MAF: variants seen among roughly 807,000 people sequenced by gnomAD.
MAF encodes MAF bZIP transcription factor, also known as transcription factor Maf.
Under a neutral mutation model 22.0 loss-of-function variants are expected in MAF, and 10 were observed. That is an observed-to-expected ratio of 0.45 (90% confidence interval 0.28 to 0.77). MAF has a LOEUF of 0.77. Ranked by LOEUF, MAF falls within the 30% of genes least tolerant of loss-of-function variation. The pLI, the probability that MAF is intolerant of heterozygous loss-of-function variation, is 0.12. For synonymous variants in MAF, 337 were observed against 255.8 expected, an observed-to-expected ratio of 1.32 and a Z score of -3.03; for missense variants, 544 against 548.4, an observed-to-expected ratio of 0.99 and a Z score of 0.08.
At chr16:79,244,336 T>A in the MAF span, among the ~76,000 whole-genome samples, 1 of 151,894 alleles carries the variant, frequency 6.6e-6, no homozygotes, top group Non-Finnish European at 1.5e-5. Context: ...CAGCCCAAAA[T>A]CTCCTTAAGC....
the MAF span, among the ~76,000 whole-genome samples, chr16:79,539,576 A>C: frequency 6.6e-6 from 1 of 152,266 alleles, no homozygotes; most frequent in South Asian, 2.1e-4. Flanking sequence ...TTTCGTGAAC[A>C]TTTATAATAA....
the MAF span, among the ~76,000 whole-genome samples, chr16:79,259,260 C>T: frequency 2.0e-4 from 31 of 152,278 alleles, no homozygotes; most frequent in African/African-American, 7.0e-4. Context: ...CCCACGCTTG[C>T]CCACTCCGGG....
the MAF span, among the ~76,000 whole-genome samples, chr16:79,420,512 T>A: frequency 6.6e-6 from 1 of 152,168 alleles, no homozygotes; most frequent in Non-Finnish European, 1.5e-5. Context: ...GAACAAAAAA[T>A]AGAGTGATTT....
At chr16:79,239,868 C>T in the MAF span, among the ~76,000 whole-genome samples, 4,012 of 152,066 alleles carry the variant, frequency 0.026, 176 homozygotes, top group African/African-American at 0.093. Context: ...GCTGAAGAAG[C>T]ACAGCCCTCA....
chr16:79,287,081 A>G, the MAF span, among the ~76,000 whole-genome samples: 4 of 150,650 alleles, frequency 2.7e-5, no homozygotes, highest in Admixed American at 6.6e-5. Context: ...CGAACATTCC[A>G]GAATCAGCTT....
chr16:79,278,565 T>C, the MAF span, among the ~76,000 whole-genome samples: 1 of 152,220 alleles, frequency 6.6e-6, no homozygotes, highest in Admixed American at 6.5e-5. Flanking sequence ...AAGTGAGCTT[T>C]TGGAAGGAAG....
At chr16:79,321,908 G>T in the MAF span, among the ~76,000 whole-genome samples, 1 of 151,926 alleles carries the variant, frequency 6.6e-6, no homozygotes. Context: ...CTTGGTCCTG[G>T]GTGACCAAGA....
the MAF span, among the ~76,000 whole-genome samples, chr16:79,551,312 C>A: frequency 6.6e-6 from 1 of 152,134 alleles, no homozygotes; most frequent in Non-Finnish European, 1.5e-5. Flanking sequence ...GGCATCATTT[C>A]TGGTTTTGAA....
the MAF span, among the ~76,000 whole-genome samples, chr16:79,410,325 C>T: frequency 3.3e-5 from 5 of 152,194 alleles, no homozygotes; most frequent in Non-Finnish European, 7.3e-5. Context: ...AGCTAAACTC[C>T]TTTAAATTTA....
At chr16:79,361,113 T>A in the MAF span, among the ~76,000 whole-genome samples, 2 of 152,194 alleles carry the variant, frequency 1.3e-5, no homozygotes, top group Non-Finnish European at 2.9e-5. Context: ...AATCTTTGGG[T>A]TCCCAAGGAA....
At chr16:79,484,875 G>T in the MAF span, among the ~76,000 whole-genome samples, 1 of 152,186 alleles carries the variant, frequency 6.6e-6, no homozygotes, top group Non-Finnish European at 1.5e-5. Flanking sequence ...TGAAGGTCTG[G>T]CCTCCCAGCA....
chr16:79,466,862 G>A, the MAF span, among the ~76,000 whole-genome samples: 1 of 152,172 alleles, frequency 6.6e-6, no homozygotes, highest in African/African-American at 2.4e-5. Context: ...AGTGATAGCT[G>A]CAGTGTTCCA....
the MAF span, among the ~76,000 whole-genome samples, chr16:79,447,380 G>A: frequency 3.3e-5 from 5 of 151,094 alleles, no homozygotes; most frequent in African/African-American, 1.2e-4. Context: ...GCTCATTAAA[G>A]CAATGCACCT....
the MAF span, among the ~76,000 whole-genome samples, chr16:79,488,465 C>A: frequency 6.6e-6 from 1 of 152,100 alleles, no homozygotes; most frequent in Non-Finnish European, 1.5e-5. Flanking sequence ...CACATAATCA[C>A]TCTATGTAAA....
the MAF span, among the ~76,000 whole-genome samples, chr16:79,473,216 G>A: frequency 6.6e-6 from 1 of 152,128 alleles, no homozygotes; most frequent in Non-Finnish European, 1.5e-5. Flanking sequence ...TGTGGAGGGG[G>A]AGGGAGTCCT....
the MAF span, among the ~76,000 whole-genome samples, chr16:79,249,016 A>G: frequency 2.6e-5 from 4 of 152,160 alleles, no homozygotes; most frequent in Non-Finnish European, 4.4e-5. Context: ...TACCCCCAAA[A>G]TTCATATGCT....
chr16:79,477,452 C>T, the MAF span, among the ~76,000 whole-genome samples: 15 of 152,150 alleles, frequency 9.9e-5, no homozygotes, highest in Non-Finnish European at 1.8e-4. Flanking sequence ...ACATCATTTG[C>T]CTCATATTCT....
chr16:79,329,852 G>T, the MAF span, among the ~76,000 whole-genome samples: 1 of 151,826 alleles, frequency 6.6e-6, no homozygotes, highest in African/African-American at 2.4e-5. Flanking sequence ...CTTCCAACTC[G>T]ATTATCTTTC....
At chr16:79,406,504 G>T in the MAF span, among the ~76,000 whole-genome samples, 1 of 152,140 alleles carries the variant, frequency 6.6e-6, no homozygotes, top group African/African-American at 2.4e-5. Flanking sequence ...GTGCCTTCAA[G>T]CCATGTTCTC....
Sources: gnomAD v4.1 joint callset for allele counts (sites outside exome capture counted in the v4.1 genomes callset) on GRCh38, gnomAD v4.1.1 for gene constraint, MANE v1.5 for transcripts, NCBI Gene and HGNC (gene_info 2026-07-23, HGNC 2026-07-21) for gene names.